TBC1D32: variants seen among roughly 807,000 people sequenced by gnomAD.
TBC1D32 encodes the protein protein broad-minded.
A neutral mutation model predicts 170.3 loss-of-function variants in TBC1D32; 151 were observed. The ratio of observed to expected loss-of-function variants is 0.89; its 90% CI spans 0.78 to 1.01. The LOEUF is 1.01. Among genes scored for constraint, TBC1D32 ranks in the 50% least tolerant of loss-of-function variants. TBC1D32 has a pLI of 0.00. For missense variants in TBC1D32, 1,464 were observed against 1,457.1 expected, an observed-to-expected ratio of 1.00 and a Z score of -0.08; for synonymous variants, 498 against 488.0, an observed-to-expected ratio of 1.02 and a Z score of -0.27.
At chr6:121,111,159 G>C (rs1176481779) in intron 29 of TBC1D32, among the ~76,000 whole-genome samples, 2 of 152,096 alleles carry the variant, frequency 1.3e-5, no homozygotes, top group Non-Finnish European at 2.9e-5. Context: ...AGTCCTGCTT[G>C]TTTTCAGTTT....
chr6:121,207,104 G>A (rs1232745836), intron 21 of TBC1D32, among the ~76,000 whole-genome samples: 1 of 152,104 alleles, frequency 6.6e-6, no homozygotes, highest in Non-Finnish European at 1.5e-5. Context: ...TAATTTTAGA[G>A]AAATGACCTA....
chr6:121,241,772 A>C (rs1308005627), intron 18 of TBC1D32, among the ~76,000 whole-genome samples: 1 of 152,194 alleles, frequency 6.6e-6, no homozygotes, highest in Non-Finnish European at 1.5e-5. Context: ...GTTAAAGACT[A>C]AATTATATTG....
At chr6:121,162,715 C>A (rs1248903174) in intron 22 of TBC1D32, among the ~76,000 whole-genome samples, 2 of 152,050 alleles carry the variant, frequency 1.3e-5, no homozygotes, top group Non-Finnish European at 2.9e-5. Context: ...AATCAACATG[C>A]AGAGCCAAGA....
At chr6:121,091,692 C>T (rs979507637) in intron 30 of TBC1D32, among the ~76,000 whole-genome samples, 6 of 152,132 alleles carry the variant, frequency 3.9e-5, no homozygotes, top group Admixed American at 3.3e-4. Flanking sequence ...ATAGCAATGA[C>T]ACAGAGATTA....
rs1002900084 is a variant in TBC1D32 at position 121,205,183 on chromosome 6, T to C, written c.2482-20A>G. On this transcript the variant is annotated intron_variant, in intron 21 of 31. Coordinates refer to ENST00000398212, the MANE Select transcript of TBC1D32 (RefSeq NM_152730.6). ...AATATCCTGAAAAAGACAGACAAAA[T>C]GAGACTGTATTTAACTGATATCATT... is the stretch of plus-strand genomic sequence containing the variant. 3 of 1,211,094 alleles carry C rather than the reference T, an allele frequency of 2.5e-6. No homozygotes were observed. Among genetic ancestry groups the C allele is most frequent in the Admixed American group, 5.1e-5 (2 of 39,252 alleles). The allele number at this position is 1,211,094 out of a possible 1,614,324, so 75.0% of individuals were successfully genotyped here.
At chr6:121,144,827 C>A (rs1783214421) in intron 24 of TBC1D32, among the ~76,000 whole-genome samples, 1 of 152,038 alleles carries the variant, frequency 6.6e-6, no homozygotes, top group Admixed American at 6.6e-5. Context: ...ATGGGGCATT[C>A]CAAAGTTTAA....
At chr6:121,334,214 C>G in intron 1 of TBC1D32, 62 bp downstream of exon 1, 1 of 1,388,530 alleles carries the variant, frequency 7.2e-7, no homozygotes, top group East Asian at 2.3e-5. Flanking sequence ...CACTGTTGAC[C>G]CTTCTCTGGA....
intron 22 of TBC1D32, 42 bp from the exon 23 acceptor site, chr6:121,161,098 A>G: frequency 7.1e-7 from 1 of 1,404,590 alleles, no homozygotes; most frequent in South Asian, 1.2e-5. Context: ...CTTTTGATTG[A>G]ATATGTGTTA....
intron 15 of TBC1D32, among the ~76,000 whole-genome samples, chr6:121,276,141 G>C (rs56000113): frequency 6.8e-6 from 1 of 148,090 alleles, no homozygotes; most frequent in Admixed American, 6.8e-5. Context: ...AAAAACAAAC[G>C]ACAATAACAA....
At chr6:121,153,494 T>G (rs1373602408) in intron 24 of TBC1D32, among the ~76,000 whole-genome samples, 2 of 152,150 alleles carry the variant, frequency 1.3e-5, no homozygotes, top group Non-Finnish European at 2.9e-5. Context: ...GAGGAGGCAG[T>G]CTGTCCCTTA....
At chr6:121,231,638 AT>A (rs1795751954) in intron 20 of TBC1D32, among the ~76,000 whole-genome samples, 1 of 151,800 alleles carries the variant, frequency 6.6e-6, no homozygotes, top group South Asian at 2.1e-4. Flanking sequence ...GTGGTATCAC[AT>A]TGTGGTTTTG....
chr6:121,110,744 A>G (rs959307347), intron 29 of TBC1D32, among the ~76,000 whole-genome samples: 5 of 152,230 alleles, frequency 3.3e-5, no homozygotes, highest in Non-Finnish European at 7.3e-5. Context: ...CAAGTGACAT[A>G]GGGGAAATAG....
At chr6:121,209,373 A>G (rs1792755013) in intron 21 of TBC1D32, among the ~76,000 whole-genome samples, 2 of 152,154 alleles carry the variant, frequency 1.3e-5, no homozygotes, top group South Asian at 4.1e-4. Context: ...GTTTTTAAGT[A>G]TATAATACTG....
At chr6:121,229,938 T>C (rs980424629) in intron 20 of TBC1D32, among the ~76,000 whole-genome samples, 2 of 151,990 alleles carry the variant, frequency 1.3e-5, no homozygotes, top group African/African-American at 2.4e-5. Context: ...TGTTTGGCAG[T>C]TCCCCTTCAC....
At chr6:121,248,926 G>A (rs1653534685) in intron 17 of TBC1D32, among the ~76,000 whole-genome samples, 2 of 151,676 alleles carry the variant, frequency 1.3e-5, no homozygotes, top group Admixed American at 6.6e-5. Flanking sequence ...AAGATAAAGA[G>A]AGAATCCTTC....
At chr6:121,304,056 TGCAATAGCAAAGA>T (rs1223079673) in intron 8 of TBC1D32, among the ~76,000 whole-genome samples, 1 of 149,870 alleles carries the variant, frequency 6.7e-6, no homozygotes, top group Admixed American at 6.7e-5. Context: ...TTGTCCAAAA[TGCAATAGCAAAGA>T]CCAATAAGAA....
chr6:121,246,964 C>A (rs1217689350), intron 17 of TBC1D32, among the ~76,000 whole-genome samples: 1 of 151,940 alleles, frequency 6.6e-6, no homozygotes, highest in Non-Finnish European at 1.5e-5. Flanking sequence ...GGAAAAGAAG[C>A]TCAAAGAACA....
At chr6:121,156,859 G>A (rs987560036) in intron 24 of TBC1D32, among the ~76,000 whole-genome samples, 1 of 151,940 alleles carries the variant, frequency 6.6e-6, no homozygotes, top group Non-Finnish European at 1.5e-5. Flanking sequence ...CATTTTTATG[G>A]CACTGTGGTC....
chr6:121,220,636 T>G (rs1364671488), intron 21 of TBC1D32, among the ~76,000 whole-genome samples: 2 of 136,072 alleles, frequency 1.5e-5, no homozygotes, highest in Non-Finnish European at 3.0e-5. Context: ...AGATTTTTCT[T>G]TTTCTTTTTT....
Sources: gnomAD v4.1 joint callset for allele counts (sites outside exome capture counted in the v4.1 genomes callset) on GRCh38, gnomAD v4.1.1 for gene constraint, MANE v1.5 for transcripts, NCBI Gene and HGNC (gene_info 2026-07-23, HGNC 2026-07-21) for gene names.